The following KCNQ1 variants were observed in gnomAD, a reference collection of about 807,000 sequenced individuals.
The protein encoded by KCNQ1 is potassium voltage-gated channel subfamily KQT member 1.
A neutral mutation model predicts 72.4 loss-of-function variants in KCNQ1; 49 were observed. The ratio of observed to expected loss-of-function variants is 0.68; its 90% CI spans 0.54 to 0.86. The LOEUF (loss-of-function observed/expected upper bound fraction) is 0.86, where lower values mean the gene tolerates loss of function less well. KCNQ1 is among the 40% of genes least tolerant of loss of function. The probability of loss-of-function intolerance (pLI) is 0.00; values close to 1 mark genes in which losing one functional copy is unlikely to be tolerated. For missense variants in KCNQ1, 790 were observed against 945.1 expected, an observed-to-expected ratio of 0.84 and a Z score of 2.15; for synonymous variants, 450 against 412.6, an observed-to-expected ratio of 1.09 and a Z score of -1.10.
At chr11:2,791,217 C>A (rs1185026061) in intron 15 of KCNQ1, among the ~76,000 whole-genome samples, 1 of 152,204 alleles carries the variant, frequency 6.6e-6, no homozygotes, top group Non-Finnish European at 1.5e-5. Flanking sequence ...CCGAGCAGGA[C>A]GGTGGCCGGA....
At chr11:2,635,420 A>T (rs1280787413) in intron 10 of KCNQ1, 1 of 151,966 alleles carries the variant, frequency 6.6e-6, no homozygotes, top group Non-Finnish European at 1.5e-5. Context: ...TTTTCCCAGC[A>T]CCATTTATTA....
chr11:2,595,717 T>C lies in KCNQ1; in HGVS notation c.1393+6863T>C, dbSNP rs112184782. Among the ~76,000 whole-genome samples, 1,429 of 152,332 alleles carry C rather than the reference T, an allele frequency of 9.4e-3. 32 individuals carry two copies. Among genetic ancestry groups the C allele is most frequent in the African/African-American group, 0.032 (1,344 of 41,576 alleles). On this transcript the variant is annotated intron_variant, in intron 10 of 15. Coordinates refer to ENST00000155840, the MANE Select transcript of KCNQ1 (RefSeq NM_000218.3). This position sits in a 1 kb window ranked among gnomAD's most constrained non-coding sequence, Gnocchi z 5.0. ...ATGTACAAGATTAGTGTTGTTCTTA[T>C]GGCTGCTAACACAACATCCATTCTG...
In KCNQ1 at chr11:2,566,387, G is replaced by T. The variant is rs1848247914; in HGVS notation, c.478-4241G>T. On this transcript the variant is annotated intron_variant, in intron 2 of 15. Coordinates refer to ENST00000155840, the MANE Select transcript of KCNQ1 (RefSeq NM_000218.3). This position sits in a 1 kb window ranked among gnomAD's most constrained non-coding sequence, Gnocchi z 6.7. ...CGAGGACACCTGTACCTTGTCCCGG[G>T]GCGGGGCTCTCTCTGCCATGGACGC... Among the ~76,000 whole-genome samples, 1 of 152,168 alleles carries T rather than the reference G, an allele frequency of 6.6e-6. No individual in the cohort carries two copies. Among genetic ancestry groups the T allele is most frequent in the Non-Finnish European group, 1.5e-5 (1 of 68,028 alleles).
Position 2,661,750 on chromosome 11 carries a change from T to A in KCNQ1, c.1394-211T>A. ...TCCGAAGATGATTCACTGGCCTTTATTCTCCTCAGACACTGAGGTGTCAGG... is the reference window on the plus strand; with the variant it reads ...TCCGAAGATGATTCACTGGCCTTTAATCTCCTCAGACACTGAGGTGTCAGG... On this transcript the variant is annotated intron_variant, in intron 10 of 15. Transcript: ENST00000155840. This position sits in a 1 kb window ranked among gnomAD's most constrained non-coding sequence, Gnocchi z 5.9. The A allele has an allele frequency of 1.6e-6, 1 of 631,808 alleles. No homozygotes were observed. Among genetic ancestry groups the A allele is most frequent in the Non-Finnish European group, 2.8e-6 (1 of 352,364 alleles). 39.1% of individuals were successfully genotyped at this position (631,808 alleles called of 1,614,324 possible).
Position 2,673,153 on chromosome 11 carries a change from C to A in KCNQ1, c.1514+11072C>A. On this transcript the variant is annotated intron_variant, in intron 11 of 15. Transcript: ENST00000155840. This position sits in a 1 kb window ranked among gnomAD's most constrained non-coding sequence, Gnocchi z 4.5. ...GCAGGGGTGCTGACCATCCCTGACC[C>A]AAGCACGAGGATCAGAATGGGCCCT... 2.5e-6 allele frequency: 1 copy of A among 398,734 alleles called. No individual in the cohort carries two copies. The highest frequency in any genetic ancestry group is 4.4e-5 in the Admixed American group (1 of 22,740). 24.7% of individuals were successfully genotyped at this position (398,734 alleles called of 1,614,324 possible).
chr11:2,834,028 T>A (rs1033301636), intron 15 of KCNQ1, among the ~76,000 whole-genome samples: 1 of 152,218 alleles, frequency 6.6e-6, no homozygotes, highest in Non-Finnish European at 1.5e-5. Context: ...AGCCAGGGGC[T>A]GGCTCCCGGG....
rs1847816748 is a variant in KCNQ1, at chr11:2,541,153, T to TG, written c.477+13139dup. ...AGGCAGGCAGGGAGAGAGACCCCCTTGGGGCCGCGTTCCATTTGCACATTT... is the reference window on the plus strand; with the variant it reads ...AGGCAGGCAGGGAGAGAGACCCCCTTGGGGGCCGCGTTCCATTTGCACATTT... On this transcript the variant is annotated intron_variant, in intron 2 of 15. Transcript: ENST00000155840. This position sits in a 1 kb window ranked among gnomAD's most constrained non-coding sequence, Gnocchi z 4.8. 6.6e-6 allele frequency among the ~76,000 whole-genome samples: 1 copy of TG among 152,210 alleles called. No homozygotes were observed. Among genetic ancestry groups the TG allele is most frequent in the South Asian group, 2.1e-4 (1 of 4,836 alleles).
rs1471629845 is a variant in KCNQ1, at chr11:2,488,199, A to G, written c.387-39729A>G. 1.3e-5 allele frequency among the ~76,000 whole-genome samples: 2 copies of G among 152,204 alleles called. No homozygotes were observed. The highest frequency in any genetic ancestry group is 1.3e-4 in the Admixed American group (2 of 15,284). ...TTTTTGTATGTTGAACCATCCTTGC[A>G]TTCCAGGACTAAATCTCACATGGTC... is the stretch of plus-strand genomic sequence containing the variant. On this transcript the variant is annotated intron_variant, in intron 1 of 15. Transcript: ENST00000155840. The surrounding 1 kb of genome is among the most constrained non-coding windows in gnomAD (Gnocchi z 5.1).
intron 2 of KCNQ1, among the ~76,000 whole-genome samples, chr11:2,554,554 G>A (rs1222338259): frequency 1.3e-5 from 2 of 152,224 alleles, no homozygotes; most frequent in Non-Finnish European, 2.9e-5. Flanking sequence ...GGGCTGGGTG[G>A]TCTCTGCTGC....
Position 2,663,657 on chromosome 11 carries a change from G to T in KCNQ1, c.1514+1576G>T. 2.5e-6 allele frequency: 1 copy of T among 398,678 alleles called. No homozygotes were observed. The highest frequency in any genetic ancestry group is 4.4e-6 in the Non-Finnish European group (1 of 226,098). The allele number at this position is 398,678 out of a possible 1,614,324, so 24.7% of individuals were successfully genotyped here. ...CAAAAAGTCCTACTGGGAGGAGAGG[G>T]CCATCACCCACAGTCCATCTAGCTG... On this transcript the variant is annotated intron_variant, in intron 11 of 15. Transcript: ENST00000155840. The surrounding 1 kb of genome is among the most constrained non-coding windows in gnomAD (Gnocchi z 5.2).
Position 2,447,051 on chromosome 11 carries a change from C to T in KCNQ1, c.386+1567C>T, listed in dbSNP as rs531305884. Among the ~76,000 whole-genome samples the T allele has an allele frequency of 2.0e-4, 31 of 152,296 alleles. No homozygotes were observed. In the South Asian group the frequency reaches 3.3e-3, roughly 16 times the overall value. ...CAGCCAGAGGCCAAGGCAAAGTGCCCGCAGACCCCCTCAATTCTCACTTGT... is the reference window on the plus strand; with the variant it reads ...CAGCCAGAGGCCAAGGCAAAGTGCCTGCAGACCCCCTCAATTCTCACTTGT... On this transcript the variant is annotated intron_variant, in intron 1 of 15. Coordinates refer to ENST00000155840, the MANE Select transcript of KCNQ1 (RefSeq NM_000218.3). The surrounding 1 kb of genome is among the most constrained non-coding windows in gnomAD (Gnocchi z 7.6).
chr11:2,752,282 C>T lies in KCNQ1; in HGVS notation c.1515-16562C>T, dbSNP rs915730485. Among the ~76,000 whole-genome samples, 6 of 152,108 alleles carry T rather than the reference C, an allele frequency of 3.9e-5. No homozygotes were observed. Among genetic ancestry groups the T allele is most frequent in the Non-Finnish European group, 4.4e-5 (3 of 68,036 alleles). Reference sequence around the variant, plus strand: ...GGCTTCCATGGAGCTGATCTGAACCCAGCTGAGTGGCTTCCATGGAGCTGA... The same window carrying T: ...GGCTTCCATGGAGCTGATCTGAACCTAGCTGAGTGGCTTCCATGGAGCTGA... On this transcript the variant is annotated intron_variant, in intron 11 of 15. Coordinates refer to ENST00000155840, the MANE Select transcript of KCNQ1 (RefSeq NM_000218.3). The surrounding 1 kb of genome is among the most constrained non-coding windows in gnomAD (Gnocchi z 5.2).
Position 2,658,573 on chromosome 11 carries a change from A to G in KCNQ1, c.1394-3388A>G, listed in dbSNP as rs1256785362. The G allele has an allele frequency of 8.8e-6, 3 of 339,346 alleles. No homozygotes were observed. Among genetic ancestry groups the G allele is most frequent in the African/African-American group, 2.6e-5 (1 of 37,880 alleles). The allele number at this position is 339,346 out of a possible 1,614,324, so 21.0% of individuals were successfully genotyped here. A position where few individuals can be genotyped will look rare whatever the true frequency, so the allele number is the denominator to read the frequency against. On this transcript the variant is annotated intron_variant, in intron 10 of 15. Coordinates refer to ENST00000155840, the MANE Select transcript of KCNQ1 (RefSeq NM_000218.3). This position sits in a 1 kb window ranked among gnomAD's most constrained non-coding sequence, Gnocchi z 4.9. ...TAGCCCTAGAATCATCCATTCATCC[A>G]GAGAGCCCTGGCTCCCTGGAGAATG...
chr11:2,619,632 T>C, intron 10 of KCNQ1: 1 of 398,580 alleles, frequency 2.5e-6, no homozygotes, highest in Non-Finnish European at 4.4e-6. Context: ...TTTCCTTTTC[T>C]TGTGATGCCT....
Position 2,777,973 on chromosome 11 carries a change from T to C in KCNQ1, c.1733-3T>C, listed in dbSNP as rs372912362. ...CCTGATTTGGGTGTTTTATCCCCCA[T>C]AGAAAAGAGCAAGGATCGCGGCAGC... On this transcript the variant is annotated splice_polypyrimidine_tract_variant and splice_region_variant and intron_variant, in intron 14 of 15. Transcript: ENST00000155840. The C allele has an allele frequency of 1.4e-5, 23 of 1,613,482 alleles. No homozygotes were observed. In the African/African-American group the frequency reaches 2.7e-4, roughly 19 times the overall value.
chr11:2,546,752 A>G (rs552413324), intron 2 of KCNQ1, among the ~76,000 whole-genome samples: 7 of 152,182 alleles, frequency 4.6e-5, no homozygotes, highest in East Asian at 1.9e-4. Context: ...CAAGTATACC[A>G]TGTGTTCAAT....
intron 14 of KCNQ1, 29 bp from the exon 15 acceptor site, chr11:2,777,947 C>T (rs761859600): frequency 6.2e-7 from 1 of 1,611,782 alleles, no homozygotes; most frequent in East Asian, 2.2e-5. Context: ...CAGCACTTGG[C>T]CCTGATTTGG....
In KCNQ1 at chr11:2,762,310, T is replaced by A. The variant is rs1264239254; in HGVS notation, c.1515-6534T>A. Among the ~76,000 whole-genome samples, 14 of 152,330 alleles carry A rather than the reference T, an allele frequency of 9.2e-5. No homozygotes were observed. The highest frequency in any genetic ancestry group is 8.8e-5 in the Non-Finnish European group (6 of 68,032). On this transcript the variant is annotated intron_variant, in intron 11 of 15. Transcript: ENST00000155840. The surrounding 1 kb of genome is among the most constrained non-coding windows in gnomAD (Gnocchi z 4.3). ...TGCCCATCCCAGGTCGTGAAAATAT[T>A]ATCCAACTTTCTTCGACAGGCCCGA...
chr11:2,662,766 G>C (rs1440803177), intron 11 of KCNQ1: 1 of 399,172 alleles, frequency 2.5e-6, no homozygotes, highest in Non-Finnish European at 4.4e-6. Context: ...TAACCCGTTG[G>C]GGATTCCCCT....
Sources: allele counts gnomAD v4.1 joint callset (sites outside exome capture counted in the v4.1 genomes callset), GRCh38; gene constraint gnomAD v4.1.1; non-coding constraint Gnocchi (gnomAD v3.1); transcripts MANE v1.5; gene names NCBI Gene and HGNC (gene_info 2026-07-23, HGNC 2026-07-21).